PHLDB2: variants seen among roughly 807,000 people sequenced by gnomAD.
The protein encoded by PHLDB2 is pleckstrin homology like domain family B member 2, also known as pleckstrin homology-like domain family B member 2.
A neutral mutation model predicts 123.6 loss-of-function variants in PHLDB2; 71 were observed. The ratio of observed to expected loss-of-function variants is 0.57; its 90% CI spans 0.47 to 0.70. The LOEUF is 0.70. PHLDB2 is among the 30% of genes least tolerant of loss of function. The pLI is 0.00. For synonymous variants in PHLDB2, 547 were observed against 541.6 expected, an observed-to-expected ratio of 1.01 and a Z score of -0.14; for missense variants, 1,446 against 1,519.5, an observed-to-expected ratio of 0.95 and a Z score of 0.80.
At chr3:111,826,056 C>G (rs572671399) in intron 1 of PHLDB2, among the ~76,000 whole-genome samples, 1 of 152,076 alleles carries the variant, frequency 6.6e-6, no homozygotes, top group East Asian at 1.9e-4. Context: ...AATGCCAGCA[C>G]TTTGAGAGGC....
chr3:111,846,355 C>T, intron 2 of PHLDB2: 1 of 166,618 alleles, frequency 6.0e-6, no homozygotes, highest in Non-Finnish European at 1.3e-5. Flanking sequence ...TCCAATACGA[C>T]TACTCCCAAT....
At chr3:111,770,975 C>T (rs1433394640) in intron 1 of PHLDB2, among the ~76,000 whole-genome samples, 2 of 137,202 alleles carry the variant, frequency 1.5e-5, no homozygotes, top group African/African-American at 5.3e-5. Context: ...GATGTGGAGC[C>T]CAGCCGCCTC....
chr3:111,780,300 AGAGGAAGAG>A (rs1559827069), intron 1 of PHLDB2, among the ~76,000 whole-genome samples: 3 of 2,574 alleles, frequency 1.2e-3, no homozygotes, highest in Admixed American at 8.1e-3. Context: ...AAGAAGAGGA[AGAGGAAGAG>A]GAAGAGGAAG....
At chr3:111,746,555 G>A (rs1245486100) in intron 1 of PHLDB2, among the ~76,000 whole-genome samples, 1 of 152,148 alleles carries the variant, frequency 6.6e-6, no homozygotes, top group East Asian at 1.9e-4. Flanking sequence ...TTGAAGCCAA[G>A]GGTTTAAGAC....
chr3:111,874,587 G>T lies in PHLDB2; in HGVS notation c.-14-9477G>T, dbSNP rs555760392. Reference sequence around the variant, plus strand: ...GGATGAGGCTAGTTGTCCTAGCAGGGGGGTGGGAAATGGTGACTGCTGCAC... The same window carrying T: ...GGATGAGGCTAGTTGTCCTAGCAGGTGGGTGGGAAATGGTGACTGCTGCAC... On this transcript the variant is annotated intron_variant, in intron 1 of 17. Coordinates refer to ENST00000431670, the MANE Select transcript of PHLDB2 (RefSeq NM_001134438.2). Among the ~76,000 whole-genome samples the T allele has an allele frequency of 1.1e-4, 16 of 152,264 alleles. No individual in the cohort carries two copies. The East Asian group carries it at 3.1e-3, about 29-fold the overall frequency.
At chr3:111,836,666 A>G (rs1415638434) in intron 1 of PHLDB2, among the ~76,000 whole-genome samples, 1 of 152,216 alleles carries the variant, frequency 6.6e-6, no homozygotes, top group Non-Finnish European at 1.5e-5. Flanking sequence ...TAATTGACTT[A>G]CAGTTCCACA....
chr3:111,947,027 T>C (rs887141966), intron 9 of PHLDB2, among the ~76,000 whole-genome samples: 1 of 152,150 alleles, frequency 6.6e-6, no homozygotes, highest in Admixed American at 6.5e-5. Flanking sequence ...AAGGAAGGTG[T>C]CCGGAATCAT....
chr3:111,924,159 C>T (rs1481470719), intron 5 of PHLDB2, among the ~76,000 whole-genome samples: 1 of 152,214 alleles, frequency 6.6e-6, no homozygotes, highest in Admixed American at 6.5e-5. Context: ...CTCATTGGTT[C>T]TGTCTTTCAG....
At chr3:111,960,244 A>G (rs1185120181) in intron 12 of PHLDB2, 1 of 450,188 alleles carries the variant, frequency 2.2e-6, no homozygotes, top group Admixed American at 6.4e-5. Flanking sequence ...CACGCATGTG[A>G]CTATACCAGC....
At chr3:111,910,556 C>A (rs560926309) in intron 2 of PHLDB2, among the ~76,000 whole-genome samples, 1 of 152,238 alleles carries the variant, frequency 6.6e-6, no homozygotes, top group East Asian at 1.9e-4. Flanking sequence ...CAGGACCAAC[C>A]CCAGTTTGCA....
intron 1 of PHLDB2, among the ~76,000 whole-genome samples, chr3:111,830,964 A>G (rs867897227): frequency 0.087 from 3,414 of 39,092 alleles, 75 homozygotes; most frequent in African/African-American, 0.12. Flanking sequence ...AGAGAAAGAA[A>G]GAAAGAAAGA....
chr3:111,857,405 T>A (rs1169498494), upstream of PHLDB2, among the ~76,000 whole-genome samples: 1 of 146,754 alleles, frequency 6.8e-6, no homozygotes, highest in Non-Finnish European at 1.5e-5. Context: ...GAGCTATGAC[T>A]GTGCCATTGC....
chr3:111,735,554 A>T (rs1423318720), intron 1 of PHLDB2, among the ~76,000 whole-genome samples: 1 of 152,248 alleles, frequency 6.6e-6, no homozygotes, highest in Non-Finnish European at 1.5e-5. Context: ...CTTGCCTCAC[A>T]TGTATCTCAA....
intron 6 of PHLDB2, 110 bp downstream of exon 6, chr3:111,932,507 T>A: frequency 2.6e-6 from 3 of 1,141,826 alleles, no homozygotes; most frequent in Non-Finnish European, 3.7e-6. Flanking sequence ...TTTGCATAAG[T>A]TCTAGTCATT....
chr3:111,845,354 C>CAAAAAAAAA (rs745585464), intron 1 of PHLDB2, among the ~76,000 whole-genome samples: 7 of 39,160 alleles, frequency 1.8e-4, no homozygotes, highest in Admixed American at 5.1e-4. Flanking sequence ...GACTCTGTCT[C>CAAAAAAAAA]AAAAAAAAAA....
At chr3:111,946,043 A>C (rs140043498) in intron 9 of PHLDB2, among the ~76,000 whole-genome samples, 1 of 145,384 alleles carries the variant, frequency 6.9e-6, no homozygotes, top group Non-Finnish European at 1.5e-5. Flanking sequence ...ATATATATAT[A>C]TTTTTTGAGA....
chr3:111,746,235 CT>C (rs1329020734), intron 1 of PHLDB2, among the ~76,000 whole-genome samples: 3 of 152,178 alleles, frequency 2.0e-5, no homozygotes, highest in Non-Finnish European at 4.4e-5. Flanking sequence ...CTTATTCCTT[CT>C]GTTGAGACAC....
At position 111,860,749 on chromosome 3, in the gene PHLDB2, C is replaced by A. The variant is rs536701524; in HGVS notation, c.-15+1173C>A. Among the ~76,000 whole-genome samples, 3 of 152,324 alleles carry A rather than the reference C, an allele frequency of 2.0e-5. No homozygotes were observed. The South Asian group carries it at 6.2e-4, about 32-fold the overall frequency. On this transcript the variant is annotated intron_variant, in intron 1 of 17. Transcript: ENST00000431670. ...GAAATCCTCCGGGCGCCTGGCCCTGCCCTCTTCCCTAGAAATCTTTATCCT... is the reference window on the plus strand; with the variant it reads ...GAAATCCTCCGGGCGCCTGGCCCTGACCTCTTCCCTAGAAATCTTTATCCT...
At chr3:111,763,507 G>A (rs775087344) in intron 1 of PHLDB2, among the ~76,000 whole-genome samples, 21 of 152,222 alleles carry the variant, frequency 1.4e-4, no homozygotes, top group Non-Finnish European at 2.2e-4. Flanking sequence ...CAAGTGCTTA[G>A]GGCAGTTCCT....
Sources: gnomAD v4.1 joint callset for allele counts (sites outside exome capture counted in the v4.1 genomes callset) on GRCh38, gnomAD v4.1.1 for gene constraint, MANE v1.5 for transcripts, NCBI Gene and HGNC (gene_info 2026-07-23, HGNC 2026-07-21) for gene names.